SLC22A23: variants seen among roughly 807,000 people sequenced by gnomAD.
SLC22A23 encodes ion transporter protein.
SLC22A23 carries 26 observed loss-of-function variants against 61.0 expected under a neutral mutation model. The ratio of observed to expected loss-of-function variants is 0.43; its 90% CI spans 0.31 to 0.59. The LOEUF (loss-of-function observed/expected upper bound fraction) is 0.59, where lower values mean the gene tolerates loss of function less well. Among genes scored for constraint, SLC22A23 ranks in the 20% least tolerant of loss-of-function variants. The pLI is 0.11. For synonymous variants in SLC22A23, 430 were observed against 413.9 expected (o/e 1.04, Z -0.47); for missense variants, 796 against 934.7 (o/e 0.85, Z 1.94).
chr6:3,398,795 C>T (rs563187844), intron 3 of SLC22A23, among the ~76,000 whole-genome samples: 5 of 151,932 alleles, frequency 3.3e-5, no homozygotes, highest in Middle Eastern at 3.4e-3. Context: ...TTTGGGAGGC[C>T]GAGATGGGAG....
intron 4 of SLC22A23, chr6:3,312,697 T>C (rs909170688): frequency 7.9e-5 from 12 of 152,386 alleles, no homozygotes; most frequent in African/African-American, 2.9e-4. Flanking sequence ...CCAACCACCA[T>C]GTGGATGTTT....
chr6:3,396,275 G>A (rs568543589), intron 3 of SLC22A23, among the ~76,000 whole-genome samples: 6 of 152,316 alleles, frequency 3.9e-5, no homozygotes, highest in East Asian at 3.9e-4. Flanking sequence ...CCTGTGCCCC[G>A]GAGATGGCCA....
chr6:3,352,449 A>G (rs1163945092), intron 3 of SLC22A23, among the ~76,000 whole-genome samples: 1 of 152,104 alleles, frequency 6.6e-6, no homozygotes, highest in South Asian at 2.1e-4. Flanking sequence ...ACAGACACAT[A>G]TTGACCCATT....
At chr6:3,412,140 G>C (rs549971431) in intron 2 of SLC22A23, among the ~76,000 whole-genome samples, 16 of 152,248 alleles carry the variant, frequency 1.1e-4, no homozygotes, top group African/African-American at 3.6e-4. Flanking sequence ...ATTCCTTCCT[G>C]CGTTTCCACG....
At chr6:3,378,428 T>C (rs958428296) in intron 3 of SLC22A23, among the ~76,000 whole-genome samples, 20 of 152,322 alleles carry the variant, frequency 1.3e-4, no homozygotes, top group African/African-American at 4.8e-4. Context: ...AAAGCGACCA[T>C]TGCTGCTGTT....
intron 9 of SLC22A23, among the ~76,000 whole-genome samples, chr6:3,278,303 T>C (rs1209975455): frequency 6.6e-6 from 1 of 152,182 alleles, no homozygotes; most frequent in Non-Finnish European, 1.5e-5. Context: ...TAGAAAGCCC[T>C]TCCCAGGGAG....
At chr6:3,377,234 C>A (rs965651188) in intron 3 of SLC22A23, among the ~76,000 whole-genome samples, 7 of 152,148 alleles carry the variant, frequency 4.6e-5, no homozygotes. Flanking sequence ...AAAATATTTA[C>A]CATCTGGGAC....
intron 2 of SLC22A23, among the ~76,000 whole-genome samples, chr6:3,411,964 G>GA (rs1769283982): frequency 6.6e-6 from 1 of 152,164 alleles, no homozygotes; most frequent in South Asian, 2.1e-4. Flanking sequence ...CTAAAATGAA[G>GA]AAAAATGAAC....
At chr6:3,430,300 G>C (rs559302029) in intron 1 of SLC22A23, among the ~76,000 whole-genome samples, 1 of 152,130 alleles carries the variant, frequency 6.6e-6, no homozygotes, top group African/African-American at 2.4e-5. Context: ...TTGTCCATGG[G>C]TGAAAGGATC....
chr6:3,361,226 C>T (rs1445389425), intron 3 of SLC22A23, among the ~76,000 whole-genome samples: 1 of 151,852 alleles, frequency 6.6e-6, no homozygotes, highest in South Asian at 2.1e-4. Flanking sequence ...GGGAAACGTG[C>T]TTCAATAAGA....
chr6:3,360,661 GC>G lies in SLC22A23; in HGVS notation c.914-36660del, dbSNP rs1408319460. Among the ~76,000 whole-genome samples the G allele has an allele frequency of 2.9e-4, 44 of 152,298 alleles. No homozygotes were observed. The highest frequency in any genetic ancestry group is 2.5e-3 in the Admixed American group (38 of 15,290). The stretch of plus-strand genomic sequence containing the variant: ...ATTGCTATGCTGACTGCTCATCTAA[GC>G]CCCAGATACTGTCCCAGTTATTTAG... On this transcript the variant is annotated intron_variant, in intron 3 of 9. Transcript: ENST00000406686. This position sits in a 1 kb window ranked among gnomAD's most constrained non-coding sequence, Gnocchi z 4.6.
chr6:3,373,702 A>C (rs1766372977), intron 3 of SLC22A23, among the ~76,000 whole-genome samples: 1 of 152,228 alleles, frequency 6.6e-6, no homozygotes, highest in Non-Finnish European at 1.5e-5. Flanking sequence ...AAGAGGAGGA[A>C]GCAGCAGCAA....
intron 4 of SLC22A23, among the ~76,000 whole-genome samples, chr6:3,299,998 C>CTTTGTTTTT (rs1761467238): frequency 1.3e-5 from 1 of 78,802 alleles, no homozygotes; most frequent in Admixed American, 1.9e-4. Context: ...TCAGGATAGA[C>CTTTGTTTTT]TTTTTTTTTT....
rs772650318 is a variant in SLC22A23, at chr6:3,269,471, C to T, written c.*3584G>A. 5 of 152,710 alleles carry T rather than the reference C, an allele frequency of 3.3e-5. No individual in the cohort carries two copies. Among genetic ancestry groups the T allele is most frequent in the Non-Finnish European group, 7.3e-5 (5 of 68,030 alleles). 9.5% of individuals were successfully genotyped at this position (152,710 alleles called of 1,614,324 possible). ...TTCCAGAGGAAATCTGTTAATGGGGCAACGTTTTTATTTCTGTACATTTAC... is the reference window on the plus strand; with the variant it reads ...TTCCAGAGGAAATCTGTTAATGGGGTAACGTTTTTATTTCTGTACATTTAC... On this transcript the variant is annotated 3_prime_UTR_variant, in exon 10 of 10. Coordinates refer to ENST00000406686, the MANE Select transcript of SLC22A23 (RefSeq NM_015482.2).
intron 3 of SLC22A23, among the ~76,000 whole-genome samples, chr6:3,394,141 T>C (rs570140867): frequency 6.6e-6 from 1 of 152,290 alleles, no homozygotes; most frequent in South Asian, 2.1e-4. Context: ...CACTGTGCTT[T>C]AGAGTAACAA....
intron 1 of SLC22A23, among the ~76,000 whole-genome samples, chr6:3,451,342 G>A (rs369061012): frequency 9.9e-5 from 15 of 152,270 alleles, no homozygotes; most frequent in South Asian, 2.1e-4. Flanking sequence ...GATTAGAGGC[G>A]TGCGCCACCA....
intron 5 of SLC22A23, among the ~76,000 whole-genome samples, chr6:3,295,999 T>C (rs1047827308): frequency 6.6e-6 from 1 of 152,224 alleles, no homozygotes; most frequent in African/African-American, 2.4e-5. Context: ...TAATACCACT[T>C]TCCAAATATA....
At position 3,420,129 on chromosome 6, in the gene SLC22A23, T is replaced by C. The variant is rs987503703; in HGVS notation, c.655-4274A>G. Among the ~76,000 whole-genome samples the C allele has an allele frequency of 3.3e-5, 5 of 151,814 alleles. No homozygotes were observed. In the South Asian group the frequency reaches 1.0e-3, roughly 32 times the overall value. ...CCAAGACCAGGGACATTCATGATGA[T>C]GCCATGTGACGCTTCTGAGCCATGA... On this transcript the variant is annotated intron_variant, in intron 1 of 9. Transcript: ENST00000406686.
intron 3 of SLC22A23, among the ~76,000 whole-genome samples, chr6:3,340,865 C>T (rs1764114251): frequency 1.3e-5 from 2 of 152,158 alleles, no homozygotes; most frequent in African/African-American, 4.8e-5. Flanking sequence ...TATGAGTTTA[C>T]AGGAATGATA....
Sources: gnomAD v4.1 joint callset for allele counts (sites outside exome capture counted in the v4.1 genomes callset) on GRCh38, gnomAD v4.1.1 for gene constraint, Gnocchi (gnomAD v3.1) non-coding constraint, MANE v1.5 for transcripts, NCBI Gene and HGNC (gene_info 2026-07-23, HGNC 2026-07-21) for gene names.